Variants in UGGT1 observed in about 807,000 individuals in gnomAD.
UGGT1 encodes the protein UDP-glucose glycoprotein glucosyltransferase 1, also known as UDP-glucose:glycoprotein glucosyltransferase 1.
UGGT1 carries 107 observed loss-of-function variants against 203.9 expected under a neutral mutation model. The observed-to-expected ratio is 0.52, with a 90% CI of 0.45 to 0.62. UGGT1 has a LOEUF of 0.62. Ranked by LOEUF, UGGT1 falls within the 20% of genes least tolerant of loss-of-function variation. The pLI, the probability that UGGT1 is intolerant of heterozygous loss-of-function variation, is 0.00. For missense variants in UGGT1, 1,673 were observed against 1,867.2 expected, an observed-to-expected ratio of 0.90 and a Z score of 1.92; for synonymous variants, 628 against 653.5, an observed-to-expected ratio of 0.96 and a Z score of 0.59.
intron 11 of UGGT1, among the ~76,000 whole-genome samples, chr2:128,125,752 T>C (rs1341443406): frequency 6.6e-6 from 1 of 152,172 alleles, no homozygotes; most frequent in South Asian, 2.1e-4. Flanking sequence ...GTTTCTCAAA[T>C]GTTTACTAAA....
At chr2:128,129,841 A>G (rs1482880848) in intron 13 of UGGT1, among the ~76,000 whole-genome samples, 1 of 152,146 alleles carries the variant, frequency 6.6e-6, no homozygotes, top group African/African-American at 2.4e-5. Flanking sequence ...CTACTATTGA[A>G]AATGTCACTT....
chr2:128,181,094 T>C (rs376609579), intron 36 of UGGT1, 22 bp downstream of exon 36: 1 of 1,589,272 alleles, frequency 6.3e-7, no homozygotes, highest in African/African-American at 1.3e-5. Context: ...AAGGCCAAGT[T>C]TTGACAGTTT....
At chr2:128,143,316 T>A in intron 17 of UGGT1, 91 bp downstream of exon 17, 2 of 1,380,052 alleles carry the variant, frequency 1.4e-6, no homozygotes, top group Non-Finnish European at 1.9e-6. Flanking sequence ...ATGGCGATGG[T>A]GGTTAAAGTG....
At chr2:128,099,843 G>GA (rs1372811182) in intron 2 of UGGT1, among the ~76,000 whole-genome samples, 1 of 152,156 alleles carries the variant, frequency 6.6e-6, no homozygotes, top group East Asian at 1.9e-4. Flanking sequence ...TATTATGGGG[G>GA]AAAAAAGCCC....
At chr2:128,186,499 C>T (rs1190889966) in intron 38 of UGGT1, among the ~76,000 whole-genome samples, 184 bp from the exon 39 acceptor site, 3 of 152,070 alleles carry the variant, frequency 2.0e-5, no homozygotes, top group Non-Finnish European at 4.4e-5. Flanking sequence ...CCCAGCTACT[C>T]AGGAGGCTGA....
intron 33 of UGGT1, among the ~76,000 whole-genome samples, 190 bp downstream of exon 33, chr2:128,178,110 C>T (rs899739009): frequency 1.3e-5 from 2 of 152,180 alleles, no homozygotes; most frequent in African/African-American, 4.8e-5. Flanking sequence ...GTTCATGTCT[C>T]CTAGTGGGGA....
chr2:128,178,863 A>C lies in UGGT1; in HGVS notation c.3815+294A>C, dbSNP rs1362895222. On this transcript the variant is annotated intron_variant, in intron 34 of 40. Transcript: ENST00000259253. ...GCCTGCCAAACATTGCTTAACCCAG[A>C]GATTAGGAGGTTGACATAGAGAATA... Among the ~76,000 whole-genome samples the C allele has an allele frequency of 2.0e-5, 3 of 152,302 alleles. No homozygotes were observed. In the South Asian group the frequency reaches 6.2e-4, roughly 32 times the overall value.
At position 128,157,281 on chromosome 2, in the gene UGGT1, T is replaced by A; in HGVS notation, c.2290T>A (p.Trp764Arg). 6.2e-7 allele frequency: 1 copy of A among 1,614,202 alleles called. No homozygotes were observed. The highest frequency in any genetic ancestry group is 8.5e-7 in the Non-Finnish European group (1 of 1,180,024). The change falls in exon 22 of 41, where the codon TGG becomes AGG. Residue 764 changes from tryptophan to arginine, a missense_variant. By Grantham distance (101) the Trp-to-Arg change is moderately radical. Around this residue, in one of 4 missense-constraint regions of UGGT1, gnomAD observed 1,073 missense variants for 1,078.7 expected, o/e 0.99. Transcript: ENST00000259253. ...TTCTTTTATTAGGCCAGTAACTTTT[T>A]GGATTGTTGGGGATTTTGATAGCCC... ...DDSFIRPVTF[W>R]IVGDFDSPSG... is the part of the protein sequence containing the mutation.
Position 128,185,525 on chromosome 2 carries a change from G to T in UGGT1, c.4360-1158G>T, listed in dbSNP as rs189351457. Among the ~76,000 whole-genome samples the T allele has an allele frequency of 3.8e-3, 550 of 144,868 alleles. 5 individuals carry two copies. The highest frequency in any genetic ancestry group is 0.012 in the African/African-American group (476 of 38,400). On this transcript the variant is annotated intron_variant, in intron 38 of 40. Transcript: ENST00000259253. ...GTCTCACTCTGTCACCCAGGCTGGA[G>T]TGCAGTGATGCGATCATGGCTCACT...
chr2:128,145,236 A>T (rs1243174307), intron 17 of UGGT1, among the ~76,000 whole-genome samples: 1 of 152,196 alleles, frequency 6.6e-6, no homozygotes, highest in Admixed American at 6.5e-5. Flanking sequence ...CTTATAATTT[A>T]TGGTAGCAAA....
At chr2:128,185,417 A>G (rs897919104) in intron 38 of UGGT1, among the ~76,000 whole-genome samples, 41 of 141,504 alleles carry the variant, frequency 2.9e-4, no homozygotes, top group Non-Finnish European at 4.4e-4. Context: ...TGATCCACCC[A>G]CCTTGGCCTC....
At chr2:128,135,311 G>A (rs1689081607) in intron 15 of UGGT1, among the ~76,000 whole-genome samples, 1 of 152,216 alleles carries the variant, frequency 6.6e-6, no homozygotes, top group African/African-American at 2.4e-5. Context: ...TAACTTGTTA[G>A]CCTGTCAAGG....
intron 12 of UGGT1, among the ~76,000 whole-genome samples, chr2:128,127,979 C>T (rs1014449113): frequency 1.3e-5 from 2 of 152,012 alleles, no homozygotes; most frequent in Non-Finnish European, 2.9e-5. Flanking sequence ...AAGGCTGAGG[C>T]AGGAGGATCA....
rs182966052 is a variant in UGGT1 at position 128,155,326 on chromosome 2, G to T, written c.2138-163G>T. ...GTCTTTGATGTGTGACTTCAGTAGGGATAGGGGCCATGTTGTGAAGTTGTT... is the reference window on the plus strand; with the variant it reads ...GTCTTTGATGTGTGACTTCAGTAGGTATAGGGGCCATGTTGTGAAGTTGTT... On this transcript the variant is annotated intron_variant, in intron 19 of 40. Coordinates refer to ENST00000259253, the MANE Select transcript of UGGT1 (RefSeq NM_020120.4). 5.5e-4 allele frequency among the ~76,000 whole-genome samples: 84 copies of T among 152,332 alleles called. No homozygotes were observed. In the East Asian group the frequency reaches 8.5e-3, roughly 15 times the overall value.
intron 12 of UGGT1, among the ~76,000 whole-genome samples, chr2:128,128,767 T>C (rs530146733): frequency 6.6e-6 from 1 of 152,342 alleles, no homozygotes; most frequent in South Asian, 2.1e-4. Flanking sequence ...CTTTTTAATC[T>C]TTATTTTGAG....
intron 2 of UGGT1, among the ~76,000 whole-genome samples, chr2:128,102,436 G>A (rs1387012807): frequency 6.6e-6 from 1 of 152,078 alleles, no homozygotes; most frequent in Non-Finnish European, 1.5e-5. Flanking sequence ...GAGCCACGGC[G>A]CCTGGCCTGT....
At chr2:128,109,272 C>T (rs1288950151) in intron 4 of UGGT1, among the ~76,000 whole-genome samples, 5 of 152,124 alleles carry the variant, frequency 3.3e-5, no homozygotes, top group Admixed American at 2.6e-4. Flanking sequence ...TCTGTGATTA[C>T]GGATCACTGC....
Position 128,154,091 on chromosome 2 carries a change from A to G in UGGT1, c.2137+1187A>G, listed in dbSNP as rs73955952. 9.5e-3 allele frequency among the ~76,000 whole-genome samples: 1,442 copies of G among 151,770 alleles called. 23 individuals are homozygous for G. Among genetic ancestry groups the G allele is most frequent in the African/African-American group, 0.032 (1,318 of 41,318 alleles). ...CACACACACACACACACACACTCCT[A>G]TACATAAGCACACACACACTGAGGA... On this transcript the variant is annotated intron_variant, in intron 19 of 40. Coordinates refer to ENST00000259253, the MANE Select transcript of UGGT1 (RefSeq NM_020120.4).
chr2:128,113,580 A>G (rs893267494), intron 6 of UGGT1, among the ~76,000 whole-genome samples: 1 of 152,018 alleles, frequency 6.6e-6, no homozygotes, highest in Non-Finnish European at 1.5e-5. Context: ...TTCCTTTCCA[A>G]CCTTTTTTCT....
Sources: gnomAD v4.1 joint callset for allele counts (sites outside exome capture counted in the v4.1 genomes callset) on GRCh38, gnomAD v4.1.1 for gene constraint, gnomAD v4.1.1 regional missense constraint, MANE v1.5 for transcripts, NCBI Gene and HGNC (gene_info 2026-07-23, HGNC 2026-07-21) for gene names.